Variants in PRKG1 observed in about 807,000 individuals in gnomAD.
PRKG1 encodes the protein protein kinase cGMP-dependent 1.
In PRKG1, 35 loss-of-function variants were observed where a neutral mutation model predicts 88.1. The observed-to-expected ratio is 0.40, with a 90% confidence interval of 0.30 to 0.53. The LOEUF (loss-of-function observed/expected upper bound fraction) is 0.53. PRKG1 is among the 20% of genes least tolerant of loss of function. The pLI, the probability that PRKG1 is intolerant of heterozygous loss-of-function variation, is 0.59. For synonymous variants in PRKG1, 303 were observed against 292.5 expected, an observed-to-expected ratio of 1.04 and a Z score of -0.37; for missense variants, 540 against 839.8, an observed-to-expected ratio of 0.64 and a Z score of 4.41.
intron 10 of PRKG1, among the ~76,000 whole-genome samples, chr10:52,269,715 T>A (rs1841667399): frequency 6.6e-6 from 1 of 152,140 alleles, no homozygotes; most frequent in Non-Finnish European, 1.5e-5. Flanking sequence ...CTGTTTGGTA[T>A]CATCTTGAGG....
At chr10:52,148,388 T>C (rs566082717) in intron 8 of PRKG1, among the ~76,000 whole-genome samples, 1 of 152,164 alleles carries the variant, frequency 6.6e-6, no homozygotes, top group Non-Finnish European at 1.5e-5. Context: ...AAGTATTCTA[T>C]AAAGCAGAGA....
chr10:52,209,286 A>G (rs1839897379), intron 9 of PRKG1, among the ~76,000 whole-genome samples: 1 of 152,214 alleles, frequency 6.6e-6, no homozygotes, highest in Non-Finnish European at 1.5e-5. Flanking sequence ...ATACAACTTT[A>G]TTTATGGAGC....
At chr10:51,023,690 G>C (rs992198520) in intron 1 of PRKG1, among the ~76,000 whole-genome samples, 26 of 151,958 alleles carry the variant, frequency 1.7e-4, no homozygotes, top group African/African-American at 4.6e-4. Flanking sequence ...GCATAACCTG[G>C]GCATTTTCTC....
chr10:51,223,771 T>C (rs1339346127), intron 2 of PRKG1, among the ~76,000 whole-genome samples: 2 of 152,200 alleles, frequency 1.3e-5, no homozygotes, highest in African/African-American at 4.8e-5. Context: ...TTTCTAATGA[T>C]AAAGCCTTAA....
chr10:51,142,068 T>C (rs577230296), intron 1 of PRKG1, among the ~76,000 whole-genome samples: 1 of 152,178 alleles, frequency 6.6e-6, no homozygotes, highest in African/African-American at 2.4e-5. Context: ...TTCTCCTCCA[T>C]ATGTACATAT....
chr10:51,051,034 G>A (rs1443241617), intron 1 of PRKG1, among the ~76,000 whole-genome samples: 1 of 151,816 alleles, frequency 6.6e-6, no homozygotes, highest in African/African-American at 2.4e-5. Context: ...TGAGTCATGG[G>A]ATTTGCTTAT....
chr10:51,847,905 G>A (rs935708999), intron 4 of PRKG1, among the ~76,000 whole-genome samples: 3 of 114,348 alleles, frequency 2.6e-5, no homozygotes, highest in African/African-American at 9.8e-5. Context: ...CTATTCTCTT[G>A]TCTAAAGCAC....
chr10:51,395,782 C>T (rs1320328556), intron 2 of PRKG1, among the ~76,000 whole-genome samples: 1 of 152,086 alleles, frequency 6.6e-6, no homozygotes, highest in Admixed American at 6.5e-5. Context: ...AAGGTATTGA[C>T]CATATCCTGC....
intron 1 of PRKG1, among the ~76,000 whole-genome samples, chr10:50,995,624 C>G (rs1428041441): frequency 6.6e-6 from 1 of 152,126 alleles, no homozygotes; most frequent in Non-Finnish European, 1.5e-5. Flanking sequence ...TGAATATACT[C>G]CACATCAAGA....
chr10:51,532,920 G>C (rs58552140), intron 3 of PRKG1, among the ~76,000 whole-genome samples: 1 of 151,624 alleles, frequency 6.6e-6, no homozygotes, highest in African/African-American at 2.4e-5. Flanking sequence ...CCATGATTGG[G>C]TATTGATGAG....
At chr10:51,396,456 A>G (rs552930780) in intron 2 of PRKG1, among the ~76,000 whole-genome samples, 1 of 152,286 alleles carries the variant, frequency 6.6e-6, no homozygotes, top group African/African-American at 2.4e-5. Context: ...TTAATTTAGT[A>G]CCCAAGTAAG....
intron 1 of PRKG1, among the ~76,000 whole-genome samples, chr10:51,040,966 CT>C (rs1215578363): frequency 6.6e-6 from 1 of 151,968 alleles, no homozygotes; most frequent in Non-Finnish European, 1.5e-5. Flanking sequence ...AATTTGATGC[CT>C]TTTGTTTCTT....
chr10:51,917,724 A>G (rs1842373840), intron 5 of PRKG1, among the ~76,000 whole-genome samples: 1 of 152,218 alleles, frequency 6.6e-6, no homozygotes. Flanking sequence ...TGGTTGAACA[A>G]TATTAACTTT....
At chr10:51,538,891 C>T (rs927509306) in intron 3 of PRKG1, among the ~76,000 whole-genome samples, 1 of 151,916 alleles carries the variant, frequency 6.6e-6, no homozygotes, top group South Asian at 2.1e-4. Flanking sequence ...TTACTTAGGC[C>T]TCTTACAATA....
intron 6 of PRKG1, among the ~76,000 whole-genome samples, chr10:52,057,473 G>A (rs1255349997): frequency 3.3e-5 from 5 of 152,122 alleles, no homozygotes; most frequent in African/African-American, 1.2e-4. Flanking sequence ...GAACTATAAA[G>A]CACCGAAGAT....
intron 2 of PRKG1, among the ~76,000 whole-genome samples, chr10:51,297,364 A>G (rs1045240183): frequency 1.3e-5 from 2 of 152,154 alleles, no homozygotes; most frequent in African/African-American, 4.8e-5. Context: ...TATCTGGAAT[A>G]TAATAAAAAT....
chr10:51,734,927 C>T (rs987404494), intron 3 of PRKG1, among the ~76,000 whole-genome samples: 13 of 152,106 alleles, frequency 8.5e-5, no homozygotes, highest in African/African-American at 3.1e-4. Flanking sequence ...GTGTTATATG[C>T]TCAGGGGTTA....
At chr10:51,409,776 C>T (rs1193991128) in intron 2 of PRKG1, among the ~76,000 whole-genome samples, 2 of 143,484 alleles carry the variant, frequency 1.4e-5, no homozygotes, top group East Asian at 4.1e-4. Context: ...ATGGCTTGAA[C>T]CCAGGAGGTG....
intron 2 of PRKG1, among the ~76,000 whole-genome samples, chr10:51,404,739 A>G (rs1347833003): frequency 6.6e-6 from 1 of 152,226 alleles, no homozygotes; most frequent in African/African-American, 2.4e-5. Context: ...CAAAACACGC[A>G]TAAGAATCAT....
Sources: gnomAD v4.1 joint callset for allele counts (sites outside exome capture counted in the v4.1 genomes callset) on GRCh38, gnomAD v4.1.1 for gene constraint, MANE v1.5 for transcripts, NCBI Gene and HGNC (gene_info 2026-07-23, HGNC 2026-07-21) for gene names.